The following KIF5A variants were observed in gnomAD, a reference collection of about 807,000 sequenced individuals.
KIF5A encodes the protein kinesin heavy chain isoform 5A.
A neutral mutation model predicts 141.3 loss-of-function variants in KIF5A; 35 were observed. That is an observed-to-expected ratio of 0.25 (90% CI 0.19 to 0.33). KIF5A has a LOEUF of 0.33. KIF5A is among the 10% of genes least tolerant of loss of function. KIF5A has a pLI of 1.00. For synonymous variants in KIF5A, 448 were observed against 500.2 expected (o/e 0.90, Z 1.39); for missense variants, 861 against 1,314.3 (o/e 0.66, Z 5.33).
At chr12:57,582,092 C>A in intron 26 of KIF5A, 140 bp downstream of exon 26, 2 of 731,560 alleles carry the variant, frequency 2.7e-6, no homozygotes, top group Non-Finnish European at 4.9e-6. Context: ...AAAAAAAATA[C>A]ATATAGCCAG....
intron 1 of KIF5A, among the ~76,000 whole-genome samples, chr12:57,557,210 AC>A (rs1287566123): frequency 6.6e-6 from 1 of 152,152 alleles, no homozygotes; most frequent in Non-Finnish European, 1.5e-5. Context: ...AAATGCTGAT[AC>A]GAAGTCAATA....
In KIF5A at chr12:57,578,880, A is replaced by G. The variant is rs147035178; in HGVS notation, c.2538+538A>G. On this transcript the variant is annotated intron_variant, in intron 23 of 28. Transcript: ENST00000455537. The stretch of plus-strand genomic sequence containing the variant: ...GGAGTTCAAGACCAGCCTAAGCAAC[A>G]TGGCGAAACCCCATCTCTACAAAAA... 8.8e-3 allele frequency among the ~76,000 whole-genome samples: 1,344 copies of G among 152,250 alleles called. 44 individuals are homozygous for G. The East Asian group carries it at 0.09, about 10-fold the overall frequency.
intron 8 of KIF5A, among the ~76,000 whole-genome samples, chr12:57,568,092 A>T (rs999919380): frequency 6.6e-6 from 1 of 152,108 alleles, no homozygotes; most frequent in Non-Finnish European, 1.5e-5. Flanking sequence ...CATGTTGGCC[A>T]GGCTGGTCTC....
At chr12:57,575,518 C>A in intron 16 of KIF5A, 122 bp from the exon 17 acceptor site, 2 of 953,476 alleles carry the variant, frequency 2.1e-6, no homozygotes, top group South Asian at 1.3e-5. Context: ...CCCAACCCTG[C>A]ACCCTCATGG....
intron 8 of KIF5A, 26 bp downstream of exon 8, chr12:57,567,644 G>T: frequency 6.2e-7 from 1 of 1,600,164 alleles, no homozygotes; most frequent in Non-Finnish European, 8.5e-7. Flanking sequence ...GATATGGGGT[G>T]GGTGGAAGCC....
At chr12:57,569,853 C>A in intron 11 of KIF5A, 134 bp from the exon 12 acceptor site, 3 of 1,363,672 alleles carry the variant, frequency 2.2e-6, no homozygotes, top group East Asian at 4.9e-5. Flanking sequence ...GCCTGACTAC[C>A]TACCTCCCAT....
Position 57,563,468 on chromosome 12 carries a change from C to T in KIF5A, c.159C>T (p.Phe53=), listed in dbSNP as rs536777412. ...GGKPYVFDRV[F]PPNTTQEQVY... is the part of the protein sequence containing the mutation. ...AGCCATATGTTTTTGACCGTGTATT[C>T]CCCCCAAACACGACTCAAGAGCAAG... Residue 53 remains phenylalanine, a synonymous_variant, in exon 2 of 29, where the codon TTC becomes TTT. Transcript: ENST00000455537. The T allele has an allele frequency of 6.8e-6, 11 of 1,612,862 alleles. No homozygotes were observed. The African/African-American group carries it at 1.2e-4, about 18-fold the overall frequency.
chr12:57,569,806 G>A (rs778562529), intron 11 of KIF5A, 123 bp downstream of exon 11: 30 of 1,478,054 alleles, frequency 2.0e-5, no homozygotes, highest in Non-Finnish European at 2.7e-5. Context: ...TGTGTTTCTG[G>A]ACAGGTGCAG....
At chr12:57,581,656 CTTAA>C (rs1882606329) in intron 25 of KIF5A, 88 bp downstream of exon 25, 7 of 1,491,536 alleles carry the variant, frequency 4.7e-6, no homozygotes, top group African/African-American at 1.4e-5. Flanking sequence ...TTGGTTGTGG[CTTAA>C]TTATTTTCCT....
At chr12:57,582,078 T>TAA (rs1013090932) in intron 26 of KIF5A, 126 bp downstream of exon 26, 4 of 642,466 alleles carry the variant, frequency 6.2e-6, no homozygotes, top group African/African-American at 5.7e-5. Flanking sequence ...AGGCTTCAAA[T>TAA]AAAAAAAAAA....
At chr12:57,582,951 C>T in intron 27 of KIF5A, 150 bp from the exon 28 acceptor site, 1 of 731,180 alleles carries the variant, frequency 1.4e-6, no homozygotes, top group Admixed American at 2.0e-5. Context: ...ATTTACATCC[C>T]TCTGGCCTTG....
chr12:57,553,069 CTG>C (rs1268925107), intron 1 of KIF5A, among the ~76,000 whole-genome samples: 1 of 152,116 alleles, frequency 6.6e-6, no homozygotes, highest in Non-Finnish European at 1.5e-5. Flanking sequence ...GGGTCACCGT[CTG>C]TGTGTGGTGC....
At position 57,586,363 on chromosome 12, in the gene KIF5A, T is replaced by C. The variant is rs1463338076; in HGVS notation, c.*2182T>C. On this transcript the variant is annotated 3_prime_UTR_variant, in exon 29 of 29. Coordinates refer to ENST00000455537, the MANE Select transcript of KIF5A (RefSeq NM_004984.4). ...TCTCTTTAGCAAGATGTAAGGGAAA[T>C]ATAATTCACTTACATAAAAAAGAAA... 6.6e-6 allele frequency: 1 copy of C among 152,138 alleles called. No homozygotes were observed. The highest frequency in any genetic ancestry group is 1.9e-4 in the East Asian group (1 of 5,192). The allele number at this position is 152,138 out of a possible 1,614,324, so 9.4% of individuals were successfully genotyped here.
At position 57,586,255 on chromosome 12, in the gene KIF5A, C is replaced by T. The variant is rs1403498888; in HGVS notation, c.*2074C>T. ...CAGGGGGTTTTATGTAATGTTGCCA[C>T]CACATGGTTCTTTTAAAAACACATA... On this transcript the variant is annotated 3_prime_UTR_variant, in exon 29 of 29. Transcript: ENST00000455537. 1 of 152,094 alleles carries T rather than the reference C, an allele frequency of 6.6e-6. No homozygotes were observed. Among genetic ancestry groups the T allele is most frequent in the East Asian group, 1.9e-4 (1 of 5,200 alleles). The allele number at this position is 152,094 out of a possible 1,614,324, so 9.4% of individuals were successfully genotyped here.
Position 57,569,161 on chromosome 12 carries a change from G to C in KIF5A, c.819+94G>C, listed in dbSNP as rs2620678. On this transcript the variant is annotated intron_variant, in intron 9 of 28. Transcript: ENST00000455537. ...CCATATGATCATGCCCCAATTCATG[G>C]GTTGTCTGATCCCGGGGTGGCACCA... is the stretch of plus-strand genomic sequence containing the variant. 0.033 allele frequency: 51,321 copies of C among 1,564,178 alleles called. 1,113 individuals are homozygous for C. The highest frequency in any genetic ancestry group is 0.074 in the Middle Eastern group (438 of 5,958).
chr12:57,567,025 G>C, intron 6 of KIF5A, 101 bp from the exon 7 acceptor site: 1 of 517,112 alleles, frequency 1.9e-6, no homozygotes, highest in Non-Finnish European at 3.2e-6. Context: ...TGGGCAGAGC[G>C]AGACTCCATC....
intron 23 of KIF5A, among the ~76,000 whole-genome samples, chr12:57,580,367 TCAAA>T (rs1466847682): frequency 6.6e-6 from 1 of 152,198 alleles, no homozygotes; most frequent in Non-Finnish European, 1.5e-5. Context: ...TTGTGAGACC[TCAAA>T]CATTTTCTTT....
chr12:57,572,027 G>T lies in KIF5A; in HGVS notation c.1363-34G>T. 1 of 1,581,144 alleles carries T rather than the reference G, an allele frequency of 6.3e-7. No individual in the cohort carries two copies. ...GGCCATAGAAATGGTCACTGGCAGT[G>T]ATCTTTCCCACATGCCACTCCTCTC... On this transcript the variant is annotated intron_variant, in intron 13 of 28. Transcript: ENST00000455537. This position sits in a 1 kb window ranked among gnomAD's most constrained non-coding sequence, Gnocchi z 4.2.
At chr12:57,579,109 G>C (rs1317981472) in intron 23 of KIF5A, among the ~76,000 whole-genome samples, 2 of 152,010 alleles carry the variant, frequency 1.3e-5, no homozygotes, top group African/African-American at 2.4e-5. Context: ...CCAGCCCCTG[G>C]TTGGGGCCCC....
Sources: gnomAD v4.1 joint callset for allele counts (sites outside exome capture counted in the v4.1 genomes callset) on GRCh38, gnomAD v4.1.1 for gene constraint, Gnocchi (gnomAD v3.1) non-coding constraint, MANE v1.5 for transcripts, NCBI Gene and HGNC (gene_info 2026-07-23, HGNC 2026-07-21) for gene names.